The following PKIG variants were observed in gnomAD, a reference collection of about 807,000 sequenced individuals.
PKIG encodes the protein cAMP-dependent protein kinase inhibitor gamma, also known as protein kinase (cAMP-dependent, catalytic) inhibitor gamma.
Under a neutral mutation model 6.8 loss-of-function variants are expected in PKIG, and 1 was observed. The ratio of observed to expected loss-of-function variants is 0.15; its 90% CI spans 0.05 to 0.69. PKIG has a LOEUF of 0.69. Ranked by LOEUF, PKIG falls within the 30% of genes least tolerant of loss-of-function variation. PKIG has a pLI of 0.82. For missense variants in PKIG, 77 were observed against 104.0 expected, an observed-to-expected ratio of 0.74 and a Z score of 1.13; for synonymous variants, 39 against 43.0, an observed-to-expected ratio of 0.91 and a Z score of 0.36.
chr20:44,590,330 C>T (rs1600879218), intron 2 of PKIG, among the ~76,000 whole-genome samples: 1 of 152,252 alleles, frequency 6.6e-6, no homozygotes, highest in Non-Finnish European at 1.5e-5. Context: ...CAAAACCCAA[C>T]CCAAAGAAAT....
At chr20:44,598,774 A>G (rs115180505) in intron 2 of PKIG, 1 of 152,194 alleles carries the variant, frequency 6.6e-6, no homozygotes, top group Non-Finnish European at 1.5e-5. Flanking sequence ...AGAGACCTCC[A>G]TGGAAGCACA....
chr20:44,604,245 G>T (rs2123439550), intron 2 of PKIG, among the ~76,000 whole-genome samples: 1 of 152,348 alleles, frequency 6.6e-6, no homozygotes, highest in East Asian at 1.9e-4. Context: ...AAGAAGTCAG[G>T]CATGAGTTAC....
intron 1 of PKIG, among the ~76,000 whole-genome samples, chr20:44,560,899 G>T (rs565946094): frequency 6.6e-6 from 1 of 152,054 alleles, no homozygotes; most frequent in Non-Finnish European, 1.5e-5. Flanking sequence ...TTAAAACCAG[G>T]TTCACAAAGA....
At chr20:44,566,534 G>A (rs761443738) in intron 1 of PKIG, among the ~76,000 whole-genome samples, 2 of 151,940 alleles carry the variant, frequency 1.3e-5, no homozygotes, top group Admixed American at 6.6e-5. Context: ...ATTCTATACC[G>A]TTTCATGTTT....
At chr20:44,585,532 C>T (rs1302038282) in intron 1 of PKIG, among the ~76,000 whole-genome samples, 1 of 152,216 alleles carries the variant, frequency 6.6e-6, no homozygotes, top group Non-Finnish European at 1.5e-5. Context: ...CAGTGGATTG[C>T]CCAGAGTCTC....
At chr20:44,543,809 T>C (rs374669309) in intron 1 of PKIG, among the ~76,000 whole-genome samples, 1 of 152,016 alleles carries the variant, frequency 6.6e-6, no homozygotes, top group South Asian at 2.1e-4. Flanking sequence ...ATACCTGTAA[T>C]CCCAGCACTG....
At chr20:44,601,459 G>GC in intron 2 of PKIG, among the ~76,000 whole-genome samples, 1 of 152,272 alleles carries the variant, frequency 6.6e-6, no homozygotes, top group Non-Finnish European at 1.5e-5. Context: ...AGAACCGGCA[G>GC]CCCTCCCTTT....
chr20:44,585,991 TAGC>T (rs1265203300), intron 1 of PKIG, among the ~76,000 whole-genome samples: 1 of 152,126 alleles, frequency 6.6e-6, no homozygotes. Flanking sequence ...TGGAAAGAGA[TAGC>T]AGGTGAGAGC....
At chr20:44,611,707 G>C (rs2065220817) in intron 2 of PKIG, among the ~76,000 whole-genome samples, 1 of 151,024 alleles carries the variant, frequency 6.6e-6, no homozygotes, top group Admixed American at 6.6e-5. Context: ...TTTTAGTAGA[G>C]AGGGGGTTTC....
chr20:44,533,508 A>G (rs2064486098), intron 1 of PKIG, among the ~76,000 whole-genome samples: 1 of 152,236 alleles, frequency 6.6e-6, no homozygotes, highest in Non-Finnish European at 1.5e-5. Flanking sequence ...TCAATCTAGC[A>G]TAGTTTGGAG....
chr20:44,569,120 C>T (rs1358620829), intron 1 of PKIG, among the ~76,000 whole-genome samples: 2 of 152,196 alleles, frequency 1.3e-5, no homozygotes, highest in Non-Finnish European at 2.9e-5. Flanking sequence ...AGGATTTCAG[C>T]ACATATCGTC....
chr20:44,615,364 T>A (rs1876130713), intron 3 of PKIG, among the ~76,000 whole-genome samples: 1 of 152,184 alleles, frequency 6.6e-6, no homozygotes, highest in African/African-American at 2.4e-5. Context: ...CCCTCATCAC[T>A]CTCTGACAAG....
At chr20:44,606,880 C>T (rs543146771) in intron 2 of PKIG, among the ~76,000 whole-genome samples, 26 of 152,356 alleles carry the variant, frequency 1.7e-4, no homozygotes, top group African/African-American at 5.8e-4. Context: ...TCTGTGAGAA[C>T]ACAGTGTTCA....
At chr20:44,608,941 A>G (rs1036457320) in intron 2 of PKIG, among the ~76,000 whole-genome samples, 2 of 152,230 alleles carry the variant, frequency 1.3e-5, no homozygotes, top group Admixed American at 1.3e-4. Flanking sequence ...TTCTGGATAC[A>G]CACTGTCAAG....
At chr20:44,580,589 C>T (rs2064939413), upstream of PKIG, among the ~76,000 whole-genome samples, 1 of 151,996 alleles carries the variant, frequency 6.6e-6, no homozygotes, top group Non-Finnish European at 1.5e-5. Flanking sequence ...CTCAGGCAAT[C>T]CACCCACCTC....
chr20:44,553,850 G>A (rs970982740), intron 1 of PKIG, among the ~76,000 whole-genome samples: 7 of 152,196 alleles, frequency 4.6e-5, no homozygotes, highest in Non-Finnish European at 8.8e-5. Context: ...GGGTGAGTAG[G>A]CATTAACTAG....
At chr20:44,558,344 G>A (rs76268381) in intron 1 of PKIG, among the ~76,000 whole-genome samples, 2,773 of 152,240 alleles carry the variant, frequency 0.018, 89 homozygotes, top group African/African-American at 0.064. Flanking sequence ...TTGTGGGTGG[G>A]AGAACTGAGA....
intron 1 of PKIG, among the ~76,000 whole-genome samples, chr20:44,587,364 C>A (rs899369170): frequency 1.3e-5 from 2 of 152,202 alleles, no homozygotes; most frequent in African/African-American, 4.8e-5. Context: ...CCAGCATTTG[C>A]ATTAGGGAGC....
intron 1 of PKIG, among the ~76,000 whole-genome samples, chr20:44,576,062 C>T (rs1035801060): frequency 2.0e-5 from 3 of 151,940 alleles, no homozygotes; most frequent in Non-Finnish European, 2.9e-5. Flanking sequence ...CTCTAATGAT[C>T]CTTCCTTCAG....
Sources: gnomAD v4.1 joint callset for allele counts (sites outside exome capture counted in the v4.1 genomes callset) on GRCh38, gnomAD v4.1.1 for gene constraint, MANE v1.5 for transcripts, NCBI Gene and HGNC (gene_info 2026-07-23, HGNC 2026-07-21) for gene names.